The following RNF130 variants were observed in gnomAD, a reference collection of about 807,000 sequenced individuals.
The protein encoded by RNF130 is E3 ubiquitin-protein ligase RNF130.
In RNF130, 21 loss-of-function variants were observed where a neutral mutation model predicts 44.6. The observed-to-expected ratio is 0.47, with a 90% CI of 0.33 to 0.68. The LOEUF (loss-of-function observed/expected upper bound fraction) is 0.68. Among genes scored for constraint, RNF130 ranks in the 30% least tolerant of loss-of-function variants. The pLI, the probability that RNF130 is intolerant of heterozygous loss-of-function variation, is 0.02. For missense variants in RNF130, 479 were observed against 560.6 expected (o/e 0.85, Z 1.47); for synonymous variants, 214 against 210.4 (o/e 1.02, Z -0.15).
At chr5:180,019,511 G>A (rs1465602298) in intron 2 of RNF130, among the ~76,000 whole-genome samples, 1 of 152,156 alleles carries the variant, frequency 6.6e-6, no homozygotes, top group African/African-American at 2.4e-5. Flanking sequence ...GAGACTGCTG[G>A]CTCCTGATCC....
At chr5:180,058,674 G>A (rs1048123037) in intron 1 of RNF130, among the ~76,000 whole-genome samples, 4 of 152,062 alleles carry the variant, frequency 2.6e-5, no homozygotes, top group Admixed American at 2.6e-4. Context: ...TCCTGCCTCA[G>A]CCTCCTGAGT....
At chr5:180,036,033 T>C (rs1764242113) in intron 2 of RNF130, among the ~76,000 whole-genome samples, 1 of 152,250 alleles carries the variant, frequency 6.6e-6, no homozygotes, top group Admixed American at 6.5e-5. Flanking sequence ...TATAGACAGT[T>C]TCTATAGACT....
intron 1 of RNF130, among the ~76,000 whole-genome samples, chr5:180,063,740 TAA>T (rs1474476624): frequency 6.6e-6 from 1 of 152,198 alleles, no homozygotes; most frequent in Non-Finnish European, 1.5e-5. Flanking sequence ...ATCTCAAACC[TAA>T]GACTTTTCCC....
intron 6 of RNF130, among the ~76,000 whole-genome samples, chr5:179,967,911 T>C (rs1762486211): frequency 6.6e-6 from 1 of 152,276 alleles, no homozygotes; most frequent in African/African-American, 2.4e-5. Flanking sequence ...TTTTTTATGT[T>C]CATTACATTT....
chr5:179,946,577 GGA>G (rs1048254713), intron 7 of RNF130, among the ~76,000 whole-genome samples: 4 of 146,660 alleles, frequency 2.7e-5, no homozygotes, highest in Admixed American at 6.8e-5. Context: ...TTTTTGAGAC[GGA>G]GTCTCGCTCT....
At chr5:180,042,432 A>G (rs753684515) in intron 1 of RNF130, among the ~76,000 whole-genome samples, 16 of 152,306 alleles carry the variant, frequency 1.1e-4, no homozygotes, top group South Asian at 2.1e-4. Flanking sequence ...CCCTTCCTCA[A>G]TCAAATTAAA....
At chr5:179,951,408 G>C (rs1762123183), downstream of RNF130, among the ~76,000 whole-genome samples, 1 of 150,924 alleles carries the variant, frequency 6.6e-6, no homozygotes, top group African/African-American at 2.4e-5. Context: ...TTTTGAGATG[G>C]AGTCTCGCTT....
chr5:180,018,814 C>T (rs1582194143), intron 2 of RNF130, among the ~76,000 whole-genome samples: 2 of 152,132 alleles, frequency 1.3e-5, no homozygotes, highest in Non-Finnish European at 2.9e-5. Flanking sequence ...TGAGTCTACC[C>T]AGCTGGGAAG....
chr5:180,071,538 G>A lies in RNF130; in HGVS notation c.165C>T (p.Arg55=), dbSNP rs777871784. Residue 55 remains arginine, a synonymous_variant, in exon 1 of 9, where the codon CGC becomes CGT. Transcript: ENST00000521389. Reference sequence around the variant, plus strand: ...CAAGCCCGTAGCGCCCGCGGTCGATGCGAAACGTGAGCGGGGCGCCGCGGC... The same window carrying A: ...CAAGCCCGTAGCGCCCGCGGTCGATACGAAACGTGAGCGGGGCGCCGCGGC... The part of the protein sequence containing the change: ...EPGRGAPLTF[R]IDRGRYGLDS... 15 of 1,402,492 alleles carry A rather than the reference G, an allele frequency of 1.1e-5. No homozygotes were observed. The East Asian group carries it at 2.2e-4, about 21-fold the overall frequency. The allele number at this position is 1,402,492 out of a possible 1,614,324, so 86.9% of individuals were successfully genotyped here.
At chr5:179,960,442 T>C (rs972363492) in intron 8 of RNF130, among the ~76,000 whole-genome samples, 1 of 152,254 alleles carries the variant, frequency 6.6e-6, no homozygotes, top group Non-Finnish European at 1.5e-5. Flanking sequence ...GGACTTCTGA[T>C]TGAAGCCAAC....
chr5:180,029,852 CTT>C (rs11397024), intron 2 of RNF130, among the ~76,000 whole-genome samples: 3 of 144,270 alleles, frequency 2.1e-5, no homozygotes, highest in African/African-American at 2.6e-5. Flanking sequence ...CTATCCACCT[CTT>C]TTTTTTTTTT....
rs567099168 is a variant in RNF130, at chr5:180,007,889, A to G, written c.693+5172T>C. On this transcript the variant is annotated intron_variant, in intron 3 of 8. Coordinates refer to ENST00000521389, the MANE Select transcript of RNF130 (RefSeq NM_018434.6). The stretch of plus-strand genomic sequence containing the variant: ...AGGGTGAGCTACACCCAGTCCACTA[A>G]CACAGGCTTGCCTGTCAACAACACC... Among the ~76,000 whole-genome samples, 5 of 152,084 alleles carry G rather than the reference A, an allele frequency of 3.3e-5. No homozygotes were observed. In the South Asian group the frequency reaches 8.3e-4, roughly 25 times the overall value.
At chr5:180,045,034 G>T (rs1472464082) in intron 1 of RNF130, among the ~76,000 whole-genome samples, 1 of 152,108 alleles carries the variant, frequency 6.6e-6, no homozygotes, top group African/African-American at 2.4e-5. Context: ...AGGTGGATAC[G>T]CAAGTTGCCA....
At position 179,999,444 on chromosome 5, in the gene RNF130, G is replaced by T. The variant is rs193015545; in HGVS notation, c.693+13617C>A. Among the ~76,000 whole-genome samples, 494 of 152,202 alleles carry T rather than the reference G, an allele frequency of 3.2e-3. 6 individuals carry two copies. Among genetic ancestry groups the T allele is most frequent in the Non-Finnish European group, 1.5e-3 (101 of 68,002 alleles). On this transcript the variant is annotated intron_variant, in intron 3 of 8. Coordinates refer to ENST00000521389, the MANE Select transcript of RNF130 (RefSeq NM_018434.6). ...CCTTTAGAAGTGAAGTGAGTTGGCC[G>T]GCCATGGTGGCTTACGCCTGTAATC... is the stretch of plus-strand genomic sequence containing the variant.
chr5:179,974,759 G>A (rs907999185), intron 5 of RNF130, among the ~76,000 whole-genome samples: 12 of 152,366 alleles, frequency 7.9e-5, no homozygotes, highest in East Asian at 1.9e-4. Flanking sequence ...ACGAGATGCC[G>A]GCGAGTGGAG....
chr5:179,965,445 A>C (rs1391829712), intron 7 of RNF130, among the ~76,000 whole-genome samples: 1 of 152,252 alleles, frequency 6.6e-6, no homozygotes, highest in Non-Finnish European at 1.5e-5. Context: ...TATATGAAGT[A>C]ACTTTTTTTC....
chr5:180,031,583 A>C (rs921913707), intron 2 of RNF130, among the ~76,000 whole-genome samples: 3 of 152,192 alleles, frequency 2.0e-5, no homozygotes, highest in Non-Finnish European at 4.4e-5. Flanking sequence ...TCACTGTTCA[A>C]GGGCCAACTG....
intron 2 of RNF130, among the ~76,000 whole-genome samples, chr5:180,037,382 C>G (rs1443641127): frequency 6.6e-6 from 1 of 152,180 alleles, no homozygotes; most frequent in Non-Finnish European, 1.5e-5. Flanking sequence ...CCGTAGGCAT[C>G]CATGGCCCTC....
intron 7 of RNF130, among the ~76,000 whole-genome samples, chr5:179,925,215 A>T (rs1021153197): frequency 5.3e-5 from 8 of 152,178 alleles, no homozygotes; most frequent in African/African-American, 1.9e-4. Flanking sequence ...GAGGCCTGGG[A>T]CTTTCAGCCT....
Sources: gnomAD v4.1 joint callset for allele counts (sites outside exome capture counted in the v4.1 genomes callset) on GRCh38, gnomAD v4.1.1 for gene constraint, MANE v1.5 for transcripts, NCBI Gene and HGNC (gene_info 2026-07-23, HGNC 2026-07-21) for gene names.